TMEM135: variants seen among roughly 807,000 people sequenced by gnomAD.
TMEM135 encodes transmembrane protein 135, also known as peroxisomal membrane protein 52.
Under a neutral mutation model 60.3 loss-of-function variants are expected in TMEM135, and 30 were observed. The ratio of observed to expected loss-of-function variants is 0.50; its 90% confidence interval spans 0.37 to 0.68. The LOEUF (loss-of-function observed/expected upper bound fraction) is 0.68. Ranked by LOEUF, TMEM135 falls within the 30% of genes least tolerant of loss-of-function variation. The pLI, the probability that TMEM135 is intolerant of heterozygous loss-of-function variation, is 0.00. For missense variants in TMEM135, 468 were observed against 548.8 expected, an observed-to-expected ratio of 0.85 and a Z score of 1.47; for synonymous variants, 190 against 186.7, an observed-to-expected ratio of 1.02 and a Z score of -0.14.
intron 1 of TMEM135, among the ~76,000 whole-genome samples, chr11:87,054,035 A>G (rs1420316421): frequency 6.6e-6 from 1 of 152,248 alleles, no homozygotes; most frequent in African/African-American, 2.4e-5. Context: ...TTGTTCTTAC[A>G]TATCATATGT....
intron 4 of TMEM135, among the ~76,000 whole-genome samples, chr11:87,138,647 T>C (rs1463246850): frequency 1.3e-5 from 2 of 152,190 alleles, no homozygotes; most frequent in Non-Finnish European, 2.9e-5. Context: ...AGAATCTATA[T>C]TCTAGTGAGA....
chr11:87,313,424 G>A lies in TMEM135; in HGVS notation c.937-1G>A. On this transcript the variant is annotated splice_acceptor_variant, in intron 10 of 14. Transcript: ENST00000305494. LOFTEE classifies it high-confidence loss of function. ...AGTCATTGTATTTTCTCCTTAACTA[G>A]GGTACTAGTTGCTTCCTGCGCTGGA... 1 of 1,609,272 alleles carries A rather than the reference G, an allele frequency of 6.2e-7. No homozygotes were observed. Among genetic ancestry groups the A allele is most frequent in the Non-Finnish European group, 8.5e-7 (1 of 1,176,494 alleles).
intron 5 of TMEM135, among the ~76,000 whole-genome samples, chr11:87,188,577 G>A (rs1203402485): frequency 4.6e-5 from 7 of 151,900 alleles, no homozygotes; most frequent in African/African-American, 1.2e-4. Context: ...GGAGGCTGGC[G>A]CCTGTAATCC....
chr11:87,224,644 T>C (rs1422708751), intron 5 of TMEM135, among the ~76,000 whole-genome samples: 1 of 152,148 alleles, frequency 6.6e-6, no homozygotes, highest in East Asian at 1.9e-4. Flanking sequence ...AGACTTCACA[T>C]AGATGACCTG....
chr11:87,110,319 C>T (rs144149008), intron 4 of TMEM135, among the ~76,000 whole-genome samples: 151 of 152,112 alleles, frequency 9.9e-4, no homozygotes, highest in African/African-American at 3.3e-3. Context: ...CCTGGAAGGC[C>T]GGGCATGGCG....
At chr11:87,052,471 AAAAC>A (rs1305578823) in intron 1 of TMEM135, among the ~76,000 whole-genome samples, 1 of 19,300 alleles carries the variant, frequency 5.2e-5, no homozygotes, top group Non-Finnish European at 9.3e-5. Flanking sequence ...TTACAAGAAA[AAAAC>A]AAACAACCCC....
chr11:87,269,708 T>C (rs1591156454), intron 6 of TMEM135, among the ~76,000 whole-genome samples: 1 of 151,474 alleles, frequency 6.6e-6, no homozygotes, highest in East Asian at 1.9e-4. Context: ...TATTCCATGG[T>C]GTATATGTGC....
At chr11:87,038,383 A>G (rs1013063292) in intron 1 of TMEM135, among the ~76,000 whole-genome samples, 197 bp downstream of exon 1, 2 of 151,906 alleles carry the variant, frequency 1.3e-5, no homozygotes, top group Admixed American at 6.6e-5. Context: ...TGCAAGGGAG[A>G]AGGAGGAGGG....
intron 4 of TMEM135, among the ~76,000 whole-genome samples, chr11:87,108,023 C>A (rs1857642919): frequency 1.3e-5 from 2 of 152,166 alleles, no homozygotes; most frequent in African/African-American, 4.8e-5. Context: ...TAATGATGAA[C>A]ATTTTTTCAT....
chr11:87,314,237 T>A (rs1356301293), intron 11 of TMEM135, among the ~76,000 whole-genome samples: 1 of 151,896 alleles, frequency 6.6e-6, no homozygotes, highest in East Asian at 1.9e-4. Flanking sequence ...TAAAGCTTCT[T>A]GTTATACATA....
intron 5 of TMEM135, among the ~76,000 whole-genome samples, chr11:87,187,376 A>G (rs775510987): frequency 7.9e-5 from 12 of 152,228 alleles, no homozygotes; most frequent in Non-Finnish European, 1.3e-4. Context: ...AGATGAAAAC[A>G]GGGAATGGAG....
intron 5 of TMEM135, among the ~76,000 whole-genome samples, chr11:87,160,914 T>G (rs1365803996): frequency 6.6e-6 from 1 of 152,174 alleles, no homozygotes; most frequent in Non-Finnish European, 1.5e-5. Context: ...TGAATTTTGT[T>G]TTTGAGATGG....
intron 6 of TMEM135, among the ~76,000 whole-genome samples, chr11:87,275,592 A>AT (rs1941953312): frequency 6.6e-6 from 1 of 152,172 alleles, no homozygotes; most frequent in African/African-American, 2.4e-5. Context: ...GACAAAGTAC[A>AT]TTTTTTAGCA....
chr11:87,068,167 G>A (rs1237163799), intron 2 of TMEM135, among the ~76,000 whole-genome samples: 1 of 152,148 alleles, frequency 6.6e-6, no homozygotes, highest in Non-Finnish European at 1.5e-5. Context: ...TATGACATGG[G>A]TTAGGGCCAC....
chr11:87,043,621 G>A (rs573142425), intron 1 of TMEM135, among the ~76,000 whole-genome samples: 1 of 152,072 alleles, frequency 6.6e-6, no homozygotes, highest in Non-Finnish European at 1.5e-5. Flanking sequence ...TGCTCGGGAG[G>A]CTGAAGCAGG....
At position 87,328,247 on chromosome 11, in the gene TMEM135, C is replaced by T. The variant is rs571871348; in HGVS notation, c.*6914C>T. 12 of 454,014 alleles carry T rather than the reference C, an allele frequency of 2.6e-5. No individual in the cohort carries two copies. In the East Asian group the frequency reaches 7.0e-4, roughly 26 times the overall value. 28.1% of individuals were successfully genotyped at this position (454,014 alleles called of 1,614,324 possible). A position where few individuals can be genotyped will look rare whatever the true frequency, so the allele number is the denominator to read the frequency against. On this transcript the variant is annotated 3_prime_UTR_variant, in exon 15 of 15. Coordinates refer to ENST00000305494, the MANE Select transcript of TMEM135 (RefSeq NM_022918.4). ...CTTGATTTAGAATTCTCTTTTTCTC[C>T]ACTCTTCTGTGTATGCTAAAATACT...
intron 4 of TMEM135, chr11:87,095,975 C>CA (rs34559693): frequency 0.087 from 11,335 of 130,578 alleles, 492 homozygotes; most frequent in East Asian, 0.18. Context: ...GACTCCATCT[C>CA]AAAAAAAAAA....
intron 6 of TMEM135, among the ~76,000 whole-genome samples, chr11:87,284,753 G>A (rs1039260168): frequency 2.0e-5 from 3 of 152,156 alleles, no homozygotes; most frequent in African/African-American, 7.2e-5. Context: ...TGTTCATAAA[G>A]GAAACAAAAT....
chr11:87,259,008 A>C, intron 6 of TMEM135: 1 of 1,525,020 alleles, frequency 6.6e-7, no homozygotes, highest in South Asian at 1.1e-5. Context: ...TCATAAAGGA[A>C]GTGGTCCCAA....
Sources: gnomAD v4.1 joint callset for allele counts (sites outside exome capture counted in the v4.1 genomes callset) on GRCh38, gnomAD v4.1.1 for gene constraint, MANE v1.5 for transcripts, NCBI Gene and HGNC (gene_info 2026-07-23, HGNC 2026-07-21) for gene names.